Variants in KCNH7 observed in about 807,000 individuals in gnomAD.
KCNH7 encodes the protein potassium voltage-gated channel subfamily H member 7, also known as voltage-gated inwardly rectifying potassium channel KCNH7.
KCNH7 carries 49 observed loss-of-function variants against 120.8 expected under a neutral mutation model. The ratio of observed to expected loss-of-function variants is 0.41; its 90% confidence interval spans 0.32 to 0.51. The LOEUF is 0.51. KCNH7 is among the 20% of genes least tolerant of loss of function. The probability of loss-of-function intolerance (pLI) is 0.38; values close to 1 mark genes in which losing one functional copy is unlikely to be tolerated. For synonymous variants in KCNH7, 547 were observed against 516.1 expected (o/e 1.06, Z -0.81); for missense variants, 1,097 against 1,446.6 (o/e 0.76, Z 3.92).
chr2:162,459,030 A>ATAATAATAATAG (rs1181935168), intron 6 of KCNH7, among the ~76,000 whole-genome samples: 10 of 147,216 alleles, frequency 6.8e-5, no homozygotes, highest in Non-Finnish European at 1.3e-4. Flanking sequence ...AATAATAATA[A>ATAATAATAATAG]TAATAATAAT....
intron 2 of KCNH7, among the ~76,000 whole-genome samples, chr2:162,834,306 T>C (rs889084825): frequency 1.3e-5 from 2 of 152,146 alleles, no homozygotes; most frequent in Admixed American, 1.3e-4. Flanking sequence ...GTGTCATCAC[T>C]GTTTAAAAAG....
intron 2 of KCNH7, among the ~76,000 whole-genome samples, chr2:162,604,219 G>A (rs1421119481): frequency 2.0e-5 from 3 of 152,050 alleles, no homozygotes; most frequent in Non-Finnish European, 2.9e-5. Flanking sequence ...CTTACACATG[G>A]TTAAGTTGCT....
At chr2:162,576,738 G>C (rs1387424805) in intron 2 of KCNH7, among the ~76,000 whole-genome samples, 2 of 151,926 alleles carry the variant, frequency 1.3e-5, no homozygotes, top group African/African-American at 4.8e-5. Flanking sequence ...AGACTCTAAT[G>C]ATGACCAAGG....
rs114130775 is a variant in KCNH7 at position 162,549,226 on chromosome 2, G to C, written c.308-12146C>G. 3.2e-3 allele frequency among the ~76,000 whole-genome samples: 480 copies of C among 152,266 alleles called. 2 individuals are homozygous for C. The highest frequency in any genetic ancestry group is 0.011 in the African/African-American group (459 of 41,556). Reference sequence around the variant, plus strand: ...TGCATGAGGCTTAATTTTCAGATAAGAGACTAAATCTCAGCTCCAGCTTTA... The same window carrying C: ...TGCATGAGGCTTAATTTTCAGATAACAGACTAAATCTCAGCTCCAGCTTTA... On this transcript the variant is annotated intron_variant, in intron 2 of 15. Transcript: ENST00000332142.
intron 7 of KCNH7, among the ~76,000 whole-genome samples, chr2:162,442,809 T>C (rs1688468467): frequency 6.6e-6 from 1 of 152,108 alleles, no homozygotes. Context: ...TGAGCTGAGA[T>C]CACACCACTG....
At chr2:162,604,216 A>C (rs940104865) in intron 2 of KCNH7, among the ~76,000 whole-genome samples, 2 of 152,126 alleles carry the variant, frequency 1.3e-5, no homozygotes, top group Non-Finnish European at 1.5e-5. Context: ...TTGCTTACAC[A>C]TGGTTAAGTT....
chr2:162,474,687 A>G (rs1035107351), intron 6 of KCNH7, among the ~76,000 whole-genome samples: 2 of 152,234 alleles, frequency 1.3e-5, no homozygotes, highest in Non-Finnish European at 2.9e-5. Context: ...GTTGCTCTGG[A>G]GGAAACCAGC....
intron 2 of KCNH7, among the ~76,000 whole-genome samples, chr2:162,621,978 T>A (rs1683379033): frequency 6.6e-6 from 1 of 152,224 alleles, no homozygotes; most frequent in Non-Finnish European, 1.5e-5. Context: ...CCACTTCTCA[T>A]GTGTCTTTTT....
intron 9 of KCNH7, among the ~76,000 whole-genome samples, chr2:162,420,645 G>A (rs1035514388): frequency 2.0e-5 from 3 of 152,060 alleles, no homozygotes; most frequent in Non-Finnish European, 4.4e-5. Context: ...TCAAACAATC[G>A]AATGGTTTTG....
intron 11 of KCNH7, among the ~76,000 whole-genome samples, chr2:162,395,068 A>C (rs140595660): frequency 0.01 from 1,551 of 151,916 alleles, 13 homozygotes; most frequent in Non-Finnish European, 0.018. Context: ...TCTATAGCTT[A>C]CTTTATTGTA....
intron 2 of KCNH7, among the ~76,000 whole-genome samples, chr2:162,636,765 A>G (rs1372056295): frequency 3.9e-5 from 6 of 152,136 alleles, no homozygotes; most frequent in African/African-American, 1.4e-4. Flanking sequence ...AAATCCCTTC[A>G]GGGTAGAAAA....
chr2:162,474,596 T>C (rs914993226), intron 6 of KCNH7, among the ~76,000 whole-genome samples: 1 of 152,154 alleles, frequency 6.6e-6, no homozygotes, highest in African/African-American at 2.4e-5. Context: ...ATAGCAGAGG[T>C]GAAAAGATGT....
chr2:162,693,064 G>A (rs1686171043), intron 2 of KCNH7, among the ~76,000 whole-genome samples: 1 of 151,976 alleles, frequency 6.6e-6, no homozygotes, highest in Non-Finnish European at 1.5e-5. Context: ...ATAATGTTGA[G>A]TAGTCCACAT....
intron 6 of KCNH7, among the ~76,000 whole-genome samples, chr2:162,456,793 A>C (rs1185883201): frequency 6.6e-6 from 1 of 152,034 alleles, no homozygotes; most frequent in African/African-American, 2.4e-5. Flanking sequence ...TTGTTGGTTT[A>C]AAGTTTGTTT....
intron 6 of KCNH7, among the ~76,000 whole-genome samples, chr2:162,471,771 C>A (rs1349240412): frequency 1.3e-5 from 2 of 152,164 alleles, no homozygotes; most frequent in African/African-American, 4.8e-5. Context: ...AAAGAGCCTG[C>A]ACTGCCAAGT....
intron 3 of KCNH7, among the ~76,000 whole-genome samples, chr2:162,519,797 T>C (rs745432061): frequency 5.3e-5 from 8 of 151,824 alleles, no homozygotes; most frequent in Non-Finnish European, 8.8e-5. Flanking sequence ...GGCTGCAATA[T>C]TAACTACCTT....
chr2:162,677,773 A>G (rs1266403688), intron 2 of KCNH7, among the ~76,000 whole-genome samples: 2 of 151,516 alleles, frequency 1.3e-5, no homozygotes, highest in Admixed American at 1.3e-4. Flanking sequence ...TTACAGTCAC[A>G]TCAAGTAGTT....
chr2:162,606,966 T>A (rs1337607487), intron 2 of KCNH7, among the ~76,000 whole-genome samples: 1 of 152,112 alleles, frequency 6.6e-6, no homozygotes, highest in Non-Finnish European at 1.5e-5. Flanking sequence ...AATGTTATAT[T>A]ATCACTAAAA....
At chr2:162,767,568 T>C (rs1323282140) in intron 2 of KCNH7, among the ~76,000 whole-genome samples, 2 of 152,136 alleles carry the variant, frequency 1.3e-5, no homozygotes, top group Non-Finnish European at 2.9e-5. Flanking sequence ...TTTTAAAGTA[T>C]ACATCCGTTT....
Sources: gnomAD v4.1 joint callset for allele counts (sites outside exome capture counted in the v4.1 genomes callset) on GRCh38, gnomAD v4.1.1 for gene constraint, MANE v1.5 for transcripts, NCBI Gene and HGNC (gene_info 2026-07-23, HGNC 2026-07-21) for gene names.